Variants in ZFP14 observed in about 807,000 individuals in gnomAD.
ZFP14 encodes zinc finger protein 14 homolog.
ZFP14 carries 22 observed loss-of-function variants against 54.5 expected under a neutral mutation model. The ratio of observed to expected loss-of-function variants is 0.40; its 90% CI spans 0.29 to 0.58. The LOEUF (loss-of-function observed/expected upper bound fraction) is 0.58. Among genes scored for constraint, ZFP14 ranks in the 20% least tolerant of loss-of-function variants. ZFP14 has a pLI of 0.39. For missense variants in ZFP14, 470 were observed against 637.8 expected (o/e 0.74, Z 2.83); for synonymous variants, 159 against 204.0 (o/e 0.78, Z 1.88).
chr19:36,341,358 G>T lies in ZFP14; in HGVS notation c.468C>A (p.His156Gln), dbSNP rs866944509. Residue 156 changes from histidine (H) to glutamine (Q), a missense_variant, in exon 5 of 5, where the codon CAC becomes CAA. Transcript: ENST00000270001. This position sits in a 1 kb window ranked among gnomAD's most constrained non-coding sequence, Gnocchi z 4.2. Reference sequence around the variant, plus strand: ...CGATCTGATACTCAGTAAGAAAATTGTGCCTTTTGTAAGTGGTCATTTTTT... The same window carrying T: ...CGATCTGATACTCAGTAAGAAAATTTTGCCTTTTGTAAGTGGTCATTTTTT... ...TSEKMTTYKRHNFLTEYQIVH... is the reference protein window; with the variant it reads ...TSEKMTTYKRQNFLTEYQIVH... The T allele has an allele frequency of 1.9e-6, 3 of 1,614,116 alleles. No individual in the cohort carries two copies. The highest frequency in any genetic ancestry group is 2.2e-5 in the South Asian group (2 of 91,066).
At chr19:36,354,776 A>T (rs2031587037) in intron 4 of ZFP14, among the ~76,000 whole-genome samples, 1 of 142,840 alleles carries the variant, frequency 7.0e-6, no homozygotes, top group South Asian at 2.2e-4. Context: ...GGTTCAAGCG[A>T]TACTTCTGCC....
rs758169256 is a variant in ZFP14, at chr19:36,340,668, A to G, written c.1158T>C (p.His386=). 6 of 1,614,052 alleles carry G rather than the reference A, an allele frequency of 3.7e-6. No homozygotes were observed. Among genetic ancestry groups the G allele is most frequent in the Non-Finnish European group, 5.1e-6 (6 of 1,180,010 alleles). The change falls in exon 5 of 5, where the codon CAT becomes CAC. Residue 386 remains histidine (H), a synonymous_variant. Transcript: ENST00000270001. This position sits in a 1 kb window ranked among gnomAD's most constrained non-coding sequence, Gnocchi z 5.4. ...GTTTCTCACGAGTATGTATTCTCTG[A>G]TGGCGAACTAGTTGTTGTCTTAATC... The part of the protein sequence containing the change: ...TFRLRQQLVR[H]QRIHTREKPY...
chr19:36,366,294 A>G (rs76420006), intron 2 of ZFP14, among the ~76,000 whole-genome samples: 147 of 152,042 alleles, frequency 9.7e-4, no homozygotes, highest in Admixed American at 3.1e-3. Context: ...ATTGAACTAT[A>G]TGATTCCACT....
intron 1 of ZFP14, 122 bp from the exon 2 acceptor site, chr19:36,368,093 T>C: frequency 1.8e-6 from 1 of 546,442 alleles, no homozygotes; most frequent in South Asian, 3.1e-5. Flanking sequence ...TCCATTGGCT[T>C]TTCCAAAGTA....
In ZFP14 at chr19:36,355,287, A is replaced by C. The variant is rs752670694; in HGVS notation, c.235+5148T>G. On this transcript the variant is annotated intron_variant, in intron 4 of 4. Transcript: ENST00000270001. Reference sequence around the variant, plus strand: ...CCTAAAATTTGAATGTTGAGCCCTAACTAACTGTATGTGGAGATGGGGCTT... The same window carrying C: ...CCTAAAATTTGAATGTTGAGCCCTACCTAACTGTATGTGGAGATGGGGCTT... Among the ~76,000 whole-genome samples, 17 of 143,318 alleles carry C rather than the reference A, an allele frequency of 1.2e-4. 2 individuals are homozygous for C. The highest frequency in any genetic ancestry group is 3.6e-4 in the Admixed American group (5 of 13,880). 94.0% of individuals were successfully genotyped at this position (143,318 alleles called of 152,430 possible). A position where few individuals can be genotyped will look rare whatever the true frequency, so the allele number is the denominator to read the frequency against.
chr19:36,358,076 CTATCTATCTATCTATCATCT>C (rs1568469909), intron 4 of ZFP14, among the ~76,000 whole-genome samples: 1 of 146,312 alleles, frequency 6.8e-6, no homozygotes, highest in Admixed American at 7.0e-5. Context: ...ATCTATCTAT[CTATCTATCTATCTATCATCT>C]ATCTATCTAT....
In ZFP14 at chr19:36,353,430, G is replaced by A. The variant is rs2031561455; in HGVS notation, c.235+7005C>T. On this transcript the variant is annotated intron_variant, in intron 4 of 4. Transcript: ENST00000270001. Reference sequence around the variant, plus strand: ...AATCAGCTCATGTAGGCCGGGTGTGGTGGCTCACGCCTGTAATTCCAGCAC... The same window carrying A: ...AATCAGCTCATGTAGGCCGGGTGTGATGGCTCACGCCTGTAATTCCAGCAC... Among the ~76,000 whole-genome samples the A allele has an allele frequency of 1.4e-5, 2 of 142,940 alleles. 1 individual carries two copies. The highest frequency in any genetic ancestry group is 5.1e-5 in the African/African-American group (2 of 39,032). 93.8% of individuals were successfully genotyped at this position (142,940 alleles called of 152,430 possible).
intron 4 of ZFP14, among the ~76,000 whole-genome samples, chr19:36,344,752 C>T (rs1438828778): frequency 6.6e-6 from 1 of 152,122 alleles, no homozygotes; most frequent in Admixed American, 6.5e-5. Context: ...AGGTTGCACA[C>T]TCCTTATGAG....
At chr19:36,362,021 G>T in intron 3 of ZFP14, 91 bp downstream of exon 3, 2 of 1,435,790 alleles carry the variant, frequency 1.4e-6, no homozygotes, top group Non-Finnish European at 1.9e-6. Flanking sequence ...ATTCCTTTGA[G>T]AATAGAAAGT....
rs1357151853 is a variant in ZFP14, at chr19:36,349,681, AT to A, written c.236-8092del. On this transcript the variant is annotated intron_variant, in intron 4 of 4. Transcript: ENST00000270001. ...GACTCTGTCTCAAAACAAAAAAAAA[AT>A]ATATATATATATAATATATATATAA... is the stretch of plus-strand genomic sequence containing the variant. Among the ~76,000 whole-genome samples the A allele has an allele frequency of 9.6e-3, 1,285 of 133,322 alleles. 27 individuals carry two copies. The highest frequency in any genetic ancestry group is 0.032 in the African/African-American group (1,197 of 37,084). 87.5% of individuals were successfully genotyped at this position (133,322 alleles called of 152,430 possible). A position where few individuals can be genotyped will look rare whatever the true frequency, so the allele number is the denominator to read the frequency against.
chr19:36,354,370 CAAAAAAA>C (rs58651628), intron 4 of ZFP14, among the ~76,000 whole-genome samples: 1 of 99,014 alleles, frequency 1.0e-5, no homozygotes, highest in Non-Finnish European at 2.2e-5. Context: ...GATTCCATCT[CAAAAAAA>C]AAAAAAAAAA....
intron 4 of ZFP14, among the ~76,000 whole-genome samples, chr19:36,348,497 A>G (rs1461418769): frequency 6.6e-6 from 1 of 151,762 alleles, no homozygotes; most frequent in Non-Finnish European, 1.5e-5. Context: ...GGAAGTCAGG[A>G]TTTTGTTTGT....
At chr19:36,377,375 C>T (rs182577361) in intron 1 of ZFP14, among the ~76,000 whole-genome samples, 2 of 152,072 alleles carry the variant, frequency 1.3e-5, no homozygotes, top group South Asian at 2.1e-4. Context: ...CATAAGGAGA[C>T]CTCATTTCTA....
At chr19:36,379,043 C>A (rs3810326) in intron 1 of ZFP14, 120 bp downstream of exon 1, 23,087 of 152,494 alleles carry the variant, frequency 0.15, 2,189 homozygotes, top group Admixed American at 0.2. Context: ...CGCAACAGGG[C>A]ACCCGGCGCC....
Position 36,362,048 on chromosome 19 carries a change from T to C in ZFP14, c.136+64A>G, listed in dbSNP as rs1227071857. The C allele has an allele frequency of 3.3e-6, 5 of 1,514,658 alleles. No homozygotes were observed. The East Asian group carries it at 1.2e-4, about 36-fold the overall frequency. 93.8% of individuals were successfully genotyped at this position (1,514,658 alleles called of 1,614,324 possible). A position where few individuals can be genotyped will look rare whatever the true frequency, so the allele number is the denominator to read the frequency against. ...ATAGAAAGTAGTTTTAGAGAGTTTT[T>C]CTAAATATAGTCCTGAAATTGACAG... On this transcript the variant is annotated intron_variant, in intron 3 of 4. Coordinates refer to ENST00000270001, the MANE Select transcript of ZFP14 (RefSeq NM_020917.3).
intron 1 of ZFP14, among the ~76,000 whole-genome samples, chr19:36,368,363 G>C (rs1434277740): frequency 1.3e-5 from 2 of 152,216 alleles, no homozygotes; most frequent in Non-Finnish European, 2.9e-5. Flanking sequence ...AGCTACTCGG[G>C]AGGCTGAGGC....
intron 4 of ZFP14, among the ~76,000 whole-genome samples, chr19:36,353,697 C>A (rs866683019): frequency 3.6e-3 from 293 of 80,676 alleles, no homozygotes; most frequent in Middle Eastern, 7.9e-3. Context: ...GACTCCATCT[C>A]AAAAAAAAAA....
Position 36,379,165 on chromosome 19 carries a change from C to G in ZFP14, c.-82G>C, listed in dbSNP as rs554497243. 6.5e-6 allele frequency: 1 copy of G among 152,852 alleles called. No homozygotes were observed. The highest frequency in any genetic ancestry group is 2.4e-5 in the African/African-American group (1 of 41,578). 9.5% of individuals were successfully genotyped at this position (152,852 alleles called of 1,614,324 possible). ...CTCGGTGCAAGCGACCAACTCACCT[C>G]TCGGAGCCGACACCAGCAGCGAAGC... On this transcript the variant is annotated splice_region_variant and 5_prime_UTR_variant, in exon 1 of 5. Transcript: ENST00000270001.
intron 2 of ZFP14, among the ~76,000 whole-genome samples, chr19:36,363,446 C>T (rs943053791): frequency 3.3e-5 from 5 of 151,896 alleles, no homozygotes; most frequent in African/African-American, 9.7e-5. Flanking sequence ...CCGCCCGCCT[C>T]GGCTTCCCAA....
Sources: gnomAD v4.1 joint callset for allele counts (sites outside exome capture counted in the v4.1 genomes callset) on GRCh38, gnomAD v4.1.1 for gene constraint, Gnocchi (gnomAD v3.1) non-coding constraint, MANE v1.5 for transcripts, NCBI Gene and HGNC (gene_info 2026-07-23, HGNC 2026-07-21) for gene names.